The following HNF4A variants were observed in gnomAD, a reference collection of about 807,000 sequenced individuals.
HNF4A encodes hepatocyte nuclear factor 4 alpha.
HNF4A carries 15 observed loss-of-function variants against 52.4 expected under a neutral mutation model. That is an observed-to-expected ratio of 0.29 (90% CI 0.19 to 0.44). The LOEUF (loss-of-function observed/expected upper bound fraction) is 0.44, where lower values mean the gene tolerates loss of function less well. HNF4A is among the 20% of genes least tolerant of loss of function. The pLI, the probability that HNF4A is intolerant of heterozygous loss-of-function variation, is 1.00. For synonymous variants in HNF4A, 280 were observed against 264.4 expected (o/e 1.06, Z -0.57); for missense variants, 479 against 647.2 (o/e 0.74, Z 2.82).
chr20:44,407,342 T>C, intron 2 of HNF4A, 39 bp from the exon 3 acceptor site: 1 of 1,468,124 alleles, frequency 6.8e-7, no homozygotes. Context: ...GAGGAGGAAG[T>C]TGTGTCTTCT....
upstream of HNF4A, among the ~76,000 whole-genome samples, chr20:44,399,818 A>G (rs923126320): frequency 6.6e-6 from 1 of 151,852 alleles, no homozygotes; most frequent in South Asian, 2.1e-4. Context: ...CCACTCATCA[A>G]TTCCCCCACA....
At chr20:44,394,065 C>G (rs1164800100) in intron 1 of HNF4A, among the ~76,000 whole-genome samples, 2 of 152,146 alleles carry the variant, frequency 1.3e-5, no homozygotes, top group African/African-American at 4.8e-5. Flanking sequence ...TGGTCATATC[C>G]TCACAGGGCC....
At chr20:44,382,680 G>A (rs962523206) in intron 1 of HNF4A, among the ~76,000 whole-genome samples, 4 of 152,132 alleles carry the variant, frequency 2.6e-5, no homozygotes, top group Admixed American at 6.5e-5. Flanking sequence ...TCTGACCTGG[G>A]AACTACATTC....
In HNF4A at chr20:44,429,617, C is replaced by CA; in HGVS notation, c.1377_1378insA (p.Leu460ThrfsTer47). 6.2e-7 allele frequency: 1 copy of CA among 1,614,086 alleles called. No homozygotes were observed. On this transcript the variant is annotated frameshift_variant, in exon 10 of 10. Transcript: ENST00000316099. LOFTEE classifies it high-confidence loss of function. ...GAGCCGTCGCCACAATCGTCAAGCC[C>CA]CTCTCTGCCATCCCCCAGCCGACCA...
At chr20:44,393,837 CA>C (rs1277739596) in intron 1 of HNF4A, among the ~76,000 whole-genome samples, 1 of 152,104 alleles carries the variant, frequency 6.6e-6, no homozygotes, top group Admixed American at 6.5e-5. Context: ...CAGGGCTCTA[CA>C]TCTTTTTTTG....
rs1004327607 is a variant in HNF4A at position 44,429,914 on chromosome 20, G to A, written c.*249G>A. ...TGCCTTGGACAACTTTTCTCATGTT[G>A]AAGCCACTGCCTTCACCTTCACCTT... is the stretch of plus-strand genomic sequence containing the variant. On this transcript the variant is annotated 3_prime_UTR_variant, in exon 10 of 10. Coordinates refer to ENST00000316099, the MANE Select transcript of HNF4A (RefSeq NM_000457.6). 99 of 538,690 alleles carry A rather than the reference G, an allele frequency of 1.8e-4. No homozygotes were observed. The highest frequency in any genetic ancestry group is 1.8e-3 in the African/African-American group (94 of 52,534). 33.4% of individuals were successfully genotyped at this position (538,690 alleles called of 1,614,324 possible).
intron 1 of HNF4A, among the ~76,000 whole-genome samples, chr20:44,361,283 G>A (rs1030817944): frequency 1.4e-4 from 21 of 152,300 alleles, no homozygotes; most frequent in African/African-American, 5.1e-4. Flanking sequence ...AGCTCCTTGT[G>A]TGACTTAGGG....
chr20:44,413,027 G>C lies in HNF4A; in HGVS notation c.386-667G>C, dbSNP rs930628439. 3.7e-4 allele frequency among the ~76,000 whole-genome samples: 57 copies of C among 152,252 alleles called. 1 individual carries two copies. The highest frequency in any genetic ancestry group is 1.3e-3 in the African/African-American group (52 of 41,552). On this transcript the variant is annotated intron_variant, in intron 3 of 9. Coordinates refer to ENST00000316099, the MANE Select transcript of HNF4A (RefSeq NM_000457.6). ...TCCAAGGGCTATCCCATCCACTGTC[G>C]GGATGGTGGAAGGATCATCTTCTAT...
At chr20:44,392,728 A>G (rs913271567) in intron 1 of HNF4A, among the ~76,000 whole-genome samples, 2 of 152,168 alleles carry the variant, frequency 1.3e-5, no homozygotes, top group Non-Finnish European at 2.9e-5. Context: ...AACTTCTCCA[A>G]TGGGAAACCA....
chr20:44,363,683 C>T, intron 1 of HNF4A, among the ~76,000 whole-genome samples: 1 of 149,664 alleles, frequency 6.7e-6, no homozygotes, highest in East Asian at 2.0e-4. Context: ...TCAAGTCCTT[C>T]TCCTGCTGTT....
intron 1 of HNF4A, among the ~76,000 whole-genome samples, chr20:44,388,759 C>A (rs933918806): frequency 6.6e-6 from 1 of 152,216 alleles, no homozygotes; most frequent in African/African-American, 2.4e-5. Context: ...TCCTCCGGGA[C>A]GCCCTCCGGC....
At chr20:44,399,546 T>A (rs1822724147), upstream of HNF4A, among the ~76,000 whole-genome samples, 1 of 152,084 alleles carries the variant, frequency 6.6e-6, no homozygotes. Context: ...CTTCTAGCAG[T>A]GGAAAGAACA....
At position 44,428,317 on chromosome 20, in the gene HNF4A, G is replaced by A. The variant is rs773235761; in HGVS notation, c.1130-18G>A. 6.2e-6 allele frequency: 10 copies of A among 1,613,452 alleles called. No individual in the cohort carries two copies. The highest frequency in any genetic ancestry group is 1.7e-4 in the Middle Eastern group (1 of 5,856). ...GCATCCCAGACTCTCCATCCTGATCGACCTTCTCTACCTGCAGGGTCCCCC... is the reference window on the plus strand; with the variant it reads ...GCATCCCAGACTCTCCATCCTGATCAACCTTCTCTACCTGCAGGGTCCCCC... On this transcript the variant is annotated intron_variant, in intron 8 of 9. Coordinates refer to ENST00000316099, the MANE Select transcript of HNF4A (RefSeq NM_000457.6).
At chr20:44,400,470 G>T (rs3212173), upstream of HNF4A, among the ~76,000 whole-genome samples, 337 of 152,202 alleles carry the variant, frequency 2.2e-3, 2 homozygotes, top group Non-Finnish European at 3.6e-3. Flanking sequence ...CTGAGGCTCG[G>T]AGAGGAGAAT....
intron 5 of HNF4A, among the ~76,000 whole-genome samples, chr20:44,416,839 T>C (rs1422047486): frequency 6.6e-6 from 1 of 152,144 alleles, no homozygotes; most frequent in African/African-American, 2.4e-5. Context: ...TTCTCTGACC[T>C]CCCCATCTAA....
At chr20:44,379,641 T>C (rs2146242885) in intron 1 of HNF4A, among the ~76,000 whole-genome samples, 1 of 152,058 alleles carries the variant, frequency 6.6e-6, no homozygotes, top group South Asian at 2.1e-4. Flanking sequence ...AAACTTCTCC[T>C]CCAGGGTTCA....
Position 44,413,750 on chromosome 20 carries a change from A to G in HNF4A, c.442A>G (p.Ser148Gly). Residue 148 changes from serine to glycine, a missense_variant, in exon 4 of 10, where the codon AGC becomes GGC. Coordinates refer to ENST00000316099, the MANE Select transcript of HNF4A (RefSeq NM_000457.6). ...TCGAAGGTCAAGCTATGAGGACAGC[A>G]GCCTGCCCTCCATCAATGCGCTCCT... is the stretch of plus-strand genomic sequence containing the variant. 1.9e-6 allele frequency: 3 copies of G among 1,613,932 alleles called. No homozygotes were observed. The highest frequency in any genetic ancestry group is 1.7e-6 in the Non-Finnish European group (2 of 1,179,932).
intron 1 of HNF4A, among the ~76,000 whole-genome samples, chr20:44,367,177 A>T (rs1166154237): frequency 6.6e-6 from 1 of 152,044 alleles, no homozygotes; most frequent in East Asian, 1.9e-4. Context: ...CTCTACCAAA[A>T]ATACAAAATT....
chr20:44,382,813 T>C (rs1389003881), intron 1 of HNF4A, among the ~76,000 whole-genome samples: 1 of 152,144 alleles, frequency 6.6e-6, no homozygotes, highest in African/African-American at 2.4e-5. Context: ...AATAAATAAA[T>C]CATCCAGGTG....
Sources: gnomAD v4.1 joint callset for allele counts (sites outside exome capture counted in the v4.1 genomes callset) on GRCh38, gnomAD v4.1.1 for gene constraint, MANE v1.5 for transcripts, NCBI Gene and HGNC (gene_info 2026-07-23, HGNC 2026-07-21) for gene names.